The following S100Z variants were observed in gnomAD, a reference collection of about 807,000 sequenced individuals.
S100Z encodes the protein S100 calcium binding protein Z.
S100Z carries 11 observed loss-of-function variants against 8.5 expected under a neutral mutation model. The observed-to-expected ratio is 1.30, with a 90% CI of 0.82 to 2.15. The LOEUF is 2.15. S100Z is among the 30% of genes most tolerant of loss of function. The pLI is 0.00. For missense variants in S100Z, 126 were observed against 117.9 expected (o/e 1.07, Z -0.32); for synonymous variants, 34 against 43.8 (o/e 0.78, Z 0.89).
chr5:76,913,611 C>T (rs1311603329), intron 4 of S100Z, among the ~76,000 whole-genome samples: 2 of 152,202 alleles, frequency 1.3e-5, no homozygotes, highest in Admixed American at 1.3e-4. Context: ...AACAGTGTAA[C>T]ATGTATTATC....
At chr5:76,940,986 T>C in the S100Z span, among the ~76,000 whole-genome samples, 1 of 152,092 alleles carries the variant, frequency 6.6e-6, no homozygotes, top group Non-Finnish European at 1.5e-5. Context: ...GGGTTATGGG[T>C]GTGTATTAGT....
the S100Z span, among the ~76,000 whole-genome samples, chr5:76,939,094 T>C: frequency 6.6e-6 from 1 of 152,190 alleles, no homozygotes; most frequent in Non-Finnish European, 1.5e-5. Context: ...TTGACTGCTC[T>C]GCTCTTCCAA....
intron 1 of S100Z, among the ~76,000 whole-genome samples, chr5:76,868,002 ATAAT>A (rs1742845372): frequency 6.6e-6 from 1 of 152,240 alleles, no homozygotes; most frequent in Admixed American, 6.5e-5. Flanking sequence ...TGCAATGGAA[ATAAT>A]TAATAGAGCA....
Position 76,880,018 on chromosome 5 carries a change from G to A in S100Z, c.*2+2184G>A, listed in dbSNP as rs143897636. On this transcript the variant is annotated intron_variant, in intron 4 of 4. Transcript: ENST00000317593. ...GAAAAGAGAGTCAGCAAAGGGTGGC[G>A]GATTATCATTAGTTCTTATAGGTTT... Among the ~76,000 whole-genome samples, 226 of 152,298 alleles carry A rather than the reference G, an allele frequency of 1.5e-3. 1 individual carries two copies. Among genetic ancestry groups the A allele is most frequent in the African/African-American group, 4.8e-3 (200 of 41,566 alleles).
chr5:76,936,278 A>G, the S100Z span, among the ~76,000 whole-genome samples: 11,674 of 152,180 alleles, frequency 0.077, 467 homozygotes, highest in Middle Eastern at 0.13. Context: ...TGACATGAAG[A>G]AATCATATTG....
the S100Z span, among the ~76,000 whole-genome samples, chr5:76,942,445 C>CAAAAAAAAAA: frequency 3.0e-4 from 22 of 72,802 alleles, no homozygotes; most frequent in Middle Eastern, 6.6e-3. Context: ...AAAAAAAAAG[C>CAAAAAAAAAA]AAAAACCTCT....
chr5:76,899,105 GGT>G (rs1744145467), intron 4 of S100Z, among the ~76,000 whole-genome samples: 1 of 151,672 alleles, frequency 6.6e-6, no homozygotes, highest in African/African-American at 2.4e-5. Context: ...CACCACACCT[GGT>G]TAATTTTTGT....
intron 1 of S100Z, among the ~76,000 whole-genome samples, chr5:76,867,936 A>G (rs1057325200): frequency 6.6e-6 from 1 of 152,126 alleles, no homozygotes; most frequent in African/African-American, 2.4e-5. Flanking sequence ...CATTCTTTGC[A>G]CACTATCTCA....
chr5:76,875,158 T>G (rs533681032), intron 2 of S100Z, 146 bp from the exon 3 acceptor site: 17 of 387,476 alleles, frequency 4.4e-5, no homozygotes, highest in African/African-American at 8.3e-5. Context: ...CCCAAAGTGC[T>G]GGGATTACAG....
intron 2 of S100Z, among the ~76,000 whole-genome samples, chr5:76,871,298 G>C (rs7710155): frequency 0.027 from 4,099 of 152,218 alleles, 178 homozygotes; most frequent in African/African-American, 0.092. Context: ...GGCCTTTCCA[G>C]ATCTAGGAGA....
chr5:76,850,204 G>T (rs1750681998), intron 1 of S100Z, 49 bp downstream of exon 1: 1 of 152,126 alleles, frequency 6.6e-6, no homozygotes, highest in African/African-American at 2.4e-5. Context: ...TCTAGTGGTT[G>T]AAGTGTGAGC....
At chr5:76,933,280 A>G in the S100Z span, among the ~76,000 whole-genome samples, 2 of 152,304 alleles carry the variant, frequency 1.3e-5, no homozygotes, top group African/African-American at 4.8e-5. Context: ...CTCAAGGGAT[A>G]GCATGGAAAG....
At chr5:76,928,545 A>T in the S100Z span, among the ~76,000 whole-genome samples, 26 of 152,210 alleles carry the variant, frequency 1.7e-4, no homozygotes, top group African/African-American at 6.0e-4. Flanking sequence ...ATTATGGTAC[A>T]GAAAGTAGCA....
chr5:76,930,267 A>G, the S100Z span, among the ~76,000 whole-genome samples: 1 of 152,226 alleles, frequency 6.6e-6, no homozygotes, highest in Non-Finnish European at 1.5e-5. Flanking sequence ...TCTCCAGAGA[A>G]ATAGCTGGGA....
intron 4 of S100Z, among the ~76,000 whole-genome samples, chr5:76,879,669 G>A (rs1743324504): frequency 6.6e-6 from 1 of 152,176 alleles, no homozygotes; most frequent in Non-Finnish European, 1.5e-5. Context: ...CACTCCGGAT[G>A]AGAATGTGGA....
chr5:76,903,513 C>G (rs1158226763), intron 4 of S100Z, among the ~76,000 whole-genome samples: 1 of 152,052 alleles, frequency 6.6e-6, no homozygotes, highest in African/African-American at 2.4e-5. Context: ...CTGCTACAAA[C>G]AGATTTTCAT....
At chr5:76,866,212 G>A (rs1261233992) in intron 1 of S100Z, among the ~76,000 whole-genome samples, 3 of 151,522 alleles carry the variant, frequency 2.0e-5, no homozygotes, top group South Asian at 4.2e-4. Context: ...AGCCTCCCAA[G>A]TAGCTGGGAC....
At chr5:76,945,245 G>A in the S100Z span, among the ~76,000 whole-genome samples, 962 of 152,226 alleles carry the variant, frequency 6.3e-3, 10 homozygotes, top group African/African-American at 0.022. Flanking sequence ...AATGCACTGC[G>A]GAAAGCTGCA....
At chr5:76,909,959 T>C (rs1473729099) in intron 4 of S100Z, among the ~76,000 whole-genome samples, 1 of 152,176 alleles carries the variant, frequency 6.6e-6, no homozygotes, top group Non-Finnish European at 1.5e-5. Flanking sequence ...GTCAAGTAAA[T>C]GATAGAATGA....
Sources: gnomAD v4.1 joint callset for allele counts (sites outside exome capture counted in the v4.1 genomes callset) on GRCh38, gnomAD v4.1.1 for gene constraint, MANE v1.5 for transcripts, NCBI Gene and HGNC (gene_info 2026-07-23, HGNC 2026-07-21) for gene names.